TMTC2: variants seen among roughly 807,000 people sequenced by gnomAD.
TMTC2 encodes the protein protein O-mannosyl-transferase TMTC2.
TMTC2 carries 43 observed loss-of-function variants against 82.4 expected under a neutral mutation model. That is an observed-to-expected ratio of 0.52 (90% CI 0.41 to 0.67). The LOEUF (loss-of-function observed/expected upper bound fraction) is 0.67, where lower values mean the gene tolerates loss of function less well. Among genes scored for constraint, TMTC2 ranks in the 30% least tolerant of loss-of-function variants. The probability of loss-of-function intolerance (pLI) is 0.00; values close to 1 mark genes in which losing one functional copy is unlikely to be tolerated. For synonymous variants in TMTC2, 408 were observed against 381.9 expected, an observed-to-expected ratio of 1.07 and a Z score of -0.80; for missense variants, 919 against 1,012.4, an observed-to-expected ratio of 0.91 and a Z score of 1.25.
chr12:82,966,952 A>G lies in TMTC2; in HGVS notation c.1903A>G (p.Lys635Glu). The change falls in exon 7 of 12, where the codon AAA becomes GAA. Residue 635 changes from lysine to glutamate, a missense_variant. Coordinates refer to ENST00000321196, the MANE Select transcript of TMTC2 (RefSeq NM_152588.3). ...ALSVYKEAIQ[K>E]MPRQFAPQSL... ...TAGTGTATACAAGGAAGCAATTCAG[A>G]AAATGCCAAGGCAGTTTGCCCCACA... is the stretch of plus-strand genomic sequence containing the variant. 1 of 1,613,394 alleles carries G rather than the reference A, an allele frequency of 6.2e-7. No individual in the cohort carries two copies. The highest frequency in any genetic ancestry group is 8.5e-7 in the Non-Finnish European group (1 of 1,179,470).
At chr12:82,929,865 C>T (rs1216726255) in intron 3 of TMTC2, among the ~76,000 whole-genome samples, 3 of 152,036 alleles carry the variant, frequency 2.0e-5, no homozygotes, top group Non-Finnish European at 4.4e-5. Context: ...GTAGAAATAG[C>T]GATTTTCAGG....
intron 8 of TMTC2, chr12:82,986,470 T>C (rs1879160281): frequency 6.4e-6 from 1 of 157,034 alleles, no homozygotes; most frequent in Non-Finnish European, 1.4e-5. Context: ...CTTTGAAAAA[T>C]ATAAATGGAG....
At chr12:82,819,655 C>A (rs985524105) in intron 1 of TMTC2, among the ~76,000 whole-genome samples, 12 of 151,938 alleles carry the variant, frequency 7.9e-5, no homozygotes, top group Admixed American at 2.6e-4. Flanking sequence ...GTGCCTGCCA[C>A]CACACCCAGC....
chr12:82,970,664 G>T (rs1227572248), intron 7 of TMTC2, among the ~76,000 whole-genome samples: 1 of 152,180 alleles, frequency 6.6e-6, no homozygotes, highest in Non-Finnish European at 1.5e-5. Flanking sequence ...AAAGTTGATT[G>T]TATTCTCTGT....
chr12:82,745,957 CGTG>C (rs774990601), intron 1 of TMTC2, among the ~76,000 whole-genome samples: 2 of 152,228 alleles, frequency 1.3e-5, no homozygotes, highest in South Asian at 4.2e-4. Flanking sequence ...CTGCTTTTTA[CGTG>C]GGCAGTTTGT....
chr12:82,948,376 A>ACG (rs58866368), intron 4 of TMTC2, among the ~76,000 whole-genome samples: 1 of 43,822 alleles, frequency 2.3e-5, no homozygotes. Context: ...ATTTAAACAA[A>ACG]AAAAAAAAAG....
intron 3 of TMTC2, among the ~76,000 whole-genome samples, chr12:82,910,844 G>A (rs1219367523): frequency 2.6e-5 from 4 of 151,614 alleles, no homozygotes; most frequent in Non-Finnish European, 5.9e-5. Context: ...GCTTCTGTGT[G>A]TCTGCCTGCT....
intron 1 of TMTC2, among the ~76,000 whole-genome samples, chr12:82,765,440 C>T (rs1417496346): frequency 3.3e-5 from 5 of 151,986 alleles, no homozygotes; most frequent in East Asian, 1.9e-4. Context: ...TTTGGGAGTC[C>T]GAGGCGGGCA....
intron 4 of TMTC2, among the ~76,000 whole-genome samples, chr12:82,931,832 A>G (rs1238835177): frequency 6.6e-6 from 1 of 152,146 alleles, no homozygotes; most frequent in African/African-American, 2.4e-5. Context: ...GTCTGTATTA[A>G]TCCCGGAAAA....
At chr12:83,046,653 G>A (rs928561945) in intron 9 of TMTC2, among the ~76,000 whole-genome samples, 6 of 152,092 alleles carry the variant, frequency 3.9e-5, no homozygotes, top group Non-Finnish European at 7.4e-5. Context: ...GAAACTTGGG[G>A]CTTGTCTCTG....
In TMTC2 at chr12:83,103,958, A is replaced by G. The variant is rs61929899; in HGVS notation, c.2332-28252A>G. 4.9e-3 allele frequency among the ~76,000 whole-genome samples: 744 copies of G among 152,306 alleles called. 5 individuals are homozygous for G. Among genetic ancestry groups the G allele is most frequent in the Middle Eastern group, 0.014 (4 of 294 alleles). On this transcript the variant is annotated intron_variant, in intron 11 of 11. Coordinates refer to ENST00000321196, the MANE Select transcript of TMTC2 (RefSeq NM_152588.3). ...GTATAGGCATTGCGTAAACATTCCCATTCCAAAAAAAGAGAACTCAGTCAA... is the reference window on the plus strand; with the variant it reads ...GTATAGGCATTGCGTAAACATTCCCGTTCCAAAAAAAGAGAACTCAGTCAA...
intron 1 of TMTC2, among the ~76,000 whole-genome samples, chr12:82,755,479 A>C (rs151031197): frequency 9.8e-4 from 149 of 152,348 alleles, no homozygotes; most frequent in African/African-American, 3.4e-3. Flanking sequence ...AATGAAATTC[A>C]GTTCCTGGCA....
chr12:82,917,004 T>C lies in TMTC2; in HGVS notation c.1484-13427T>C, dbSNP rs147272545. ...CTTACTATTATGTTCTTTTCTGTAA[T>C]AATCCGAGGTATAATTTCTTCAGAA... is the stretch of plus-strand genomic sequence containing the variant. On this transcript the variant is annotated intron_variant, in intron 3 of 11. Coordinates refer to ENST00000321196, the MANE Select transcript of TMTC2 (RefSeq NM_152588.3). Among the ~76,000 whole-genome samples the C allele has an allele frequency of 5.9e-5, 9 of 152,306 alleles. No individual in the cohort carries two copies. In the East Asian group the frequency reaches 1.7e-3, roughly 29 times the overall value.
At chr12:82,819,383 T>C (rs1398376020) in intron 1 of TMTC2, among the ~76,000 whole-genome samples, 1 of 152,100 alleles carries the variant, frequency 6.6e-6, no homozygotes, top group Non-Finnish European at 1.5e-5. Flanking sequence ...AGATCCTTTT[T>C]TCTCTGGCAT....
intron 8 of TMTC2, among the ~76,000 whole-genome samples, chr12:82,989,646 G>T (rs960197698): frequency 1.3e-5 from 2 of 151,152 alleles, no homozygotes; most frequent in Non-Finnish European, 2.9e-5. Flanking sequence ...CATGGCACTC[G>T]ATATAGAAAC....
intron 1 of TMTC2, among the ~76,000 whole-genome samples, chr12:82,795,912 A>G (rs1878695309): frequency 6.6e-6 from 1 of 152,168 alleles, no homozygotes; most frequent in African/African-American, 2.4e-5. Flanking sequence ...AACTAAGATA[A>G]CAGTGGAGAA....
At chr12:83,060,794 A>T (rs931894747) in intron 10 of TMTC2, among the ~76,000 whole-genome samples, 1 of 151,820 alleles carries the variant, frequency 6.6e-6, no homozygotes, top group Non-Finnish European at 1.5e-5. Flanking sequence ...GGACTTCCTT[A>T]GAACCCTGCT....
At chr12:82,957,054 G>T (rs547964454) in intron 4 of TMTC2, among the ~76,000 whole-genome samples, 2 of 152,148 alleles carry the variant, frequency 1.3e-5, no homozygotes, top group African/African-American at 4.8e-5. Context: ...TATAGAATAC[G>T]CTACCAATAA....
chr12:82,890,374 G>T (rs1873333814), intron 2 of TMTC2, among the ~76,000 whole-genome samples: 1 of 151,908 alleles, frequency 6.6e-6, no homozygotes, highest in Admixed American at 6.6e-5. Context: ...TTAACCTTGG[G>T]TTCTAACCTC....
Sources: allele counts gnomAD v4.1 joint callset (sites outside exome capture counted in the v4.1 genomes callset), GRCh38; gene constraint gnomAD v4.1.1; transcripts MANE v1.5; gene names NCBI Gene and HGNC (gene_info 2026-07-23, HGNC 2026-07-21).